LAMA5: variants seen among roughly 807,000 people sequenced by gnomAD.
LAMA5 encodes the protein laminin subunit alpha-5.
In LAMA5, 260 loss-of-function variants were observed where a neutral mutation model predicts 433.4. The observed-to-expected ratio is 0.60, with a 90% CI of 0.54 to 0.66. LAMA5 has a LOEUF of 0.66. Among genes scored for constraint, LAMA5 ranks in the 30% least tolerant of loss-of-function variants. The pLI is 0.00. For synonymous variants in LAMA5, 2,620 were observed against 2,226.6 expected (o/e 1.18, Z -4.97); for missense variants, 5,378 against 5,258.5 (o/e 1.02, Z -0.70).
chr20:62,310,911 G>A lies in LAMA5; in HGVS notation c.10272C>T (p.Arg3424=). The A allele has an allele frequency of 6.2e-7, 1 of 1,610,446 alleles. No homozygotes were observed. Among genetic ancestry groups the A allele is most frequent in the Non-Finnish European group, 8.5e-7 (1 of 1,179,376 alleles). The change falls in exon 74 of 80, where the codon CGC becomes CGT. Residue 3424 remains arginine, a synonymous_variant. Coordinates refer to ENST00000252999, the MANE Select transcript of LAMA5 (RefSeq NM_005560.6). Reference sequence around the variant, plus strand: ...TCTTCTCGGCCCTCACCTTGTGCCAGCGGCCAGGCCGGGAGCGCTGGCGGC... The same window carrying A: ...TCTTCTCGGCCCTCACCTTGTGCCAACGGCCAGGCCGGGAGCGCTGGCGGC... ...AQSRQRSRPG[R]WHKVSVRWEK...
At position 62,331,203 on chromosome 20, in the gene LAMA5, G is replaced by A; in HGVS notation, c.3553-74C>T. On this transcript the variant is annotated intron_variant, in intron 28 of 79. Coordinates refer to ENST00000252999, the MANE Select transcript of LAMA5 (RefSeq NM_005560.6). ...TAGGGGGTGCAGGCGGTACGATGGGGGGGTGCAGGCGGTACGATGGGGGGG... is the reference window on the plus strand; with the variant it reads ...TAGGGGGTGCAGGCGGTACGATGGGAGGGTGCAGGCGGTACGATGGGGGGG... The A allele has an allele frequency of 9.2e-6, 4 of 435,554 alleles. No individual in the cohort carries two copies. The South Asian group carries it at 1.3e-4, about 14-fold the overall frequency. The allele number at this position is 435,554 out of a possible 1,614,324, so 27.0% of individuals were successfully genotyped here. A position where few individuals can be genotyped will look rare whatever the true frequency, so the allele number is the denominator to read the frequency against.
In LAMA5 at chr20:62,366,091, TCTCC is replaced by T. The variant is rs1244841491; in HGVS notation, c.297+854_297+857del. 3.9e-5 allele frequency among the ~76,000 whole-genome samples: 6 copies of T among 152,244 alleles called. No individual in the cohort carries two copies. The South Asian group carries it at 1.2e-3, about 32-fold the overall frequency. ...ACACAGGCCCTCAGGGCCCCTAGAC[TCTCC>T]CTAAGGTGGGGCTGAGGTGGGGAAT... is the stretch of plus-strand genomic sequence containing the variant. On this transcript the variant is annotated intron_variant, in intron 1 of 79. Transcript: ENST00000252999.
intron 57 of LAMA5, 124 bp from the exon 58 acceptor site, chr20:62,316,182 A>G: frequency 2.9e-6 from 2 of 680,676 alleles, no homozygotes; most frequent in African/African-American, 1.8e-5. Context: ...GGACAGGGAC[A>G]CTCAGACATG....
intron 2 of LAMA5, chr20:62,356,443 GA>G (rs957353477): frequency 9.4e-5 from 14 of 149,640 alleles, no homozygotes; most frequent in South Asian, 2.1e-4. Context: ...TGTGCAGAAA[GA>G]AAAAAAAAAG....
In LAMA5 at chr20:62,318,413, G is replaced by A. The variant is rs370015491; in HGVS notation, c.7239+41C>T. 1.0e-4 allele frequency: 154 copies of A among 1,528,842 alleles called. 1 individual carries two copies. In the Middle Eastern group the frequency reaches 1.4e-3, roughly 14 times the overall value. 94.7% of individuals were successfully genotyped at this position (1,528,842 alleles called of 1,614,324 possible). ...AGGAGAGGGATTGCAGGGAGGAGGC[G>A]GGAAGAGGAGCAGGAGGAAGAACAA... is the stretch of plus-strand genomic sequence containing the variant. On this transcript the variant is annotated intron_variant, in intron 53 of 79. Coordinates refer to ENST00000252999, the MANE Select transcript of LAMA5 (RefSeq NM_005560.6).
chr20:62,366,801 C>T (rs946552513), intron 1 of LAMA5, 148 bp downstream of exon 1: 6 of 1,110,886 alleles, frequency 5.4e-6, no homozygotes, highest in South Asian at 4.7e-5. Context: ...GCGGCCGGGT[C>T]GGGGTGCCTT....
At position 62,322,269 on chromosome 20, in the gene LAMA5, G is replaced by A. The variant is rs566603437; in HGVS notation, c.6346C>T (p.Arg2116Cys). 7 of 1,592,854 alleles carry A rather than the reference G, an allele frequency of 4.4e-6. No homozygotes were observed. Among genetic ancestry groups the A allele is most frequent in the African/African-American group, 2.7e-5 (2 of 74,556 alleles). The change falls in exon 47 of 80, where the codon CGC (arginine) becomes TGC (cysteine). Residue 2116 changes from arginine to cysteine, a missense_variant and splice_region_variant. By Grantham distance (180) the Arg-to-Cys change is radical (BLOSUM62 -3). Coordinates refer to ENST00000252999, the MANE Select transcript of LAMA5 (RefSeq NM_005560.6). ...YWGLPEQGCR[R>C]CQCPGGRCDP... ...CCTCCTGTGACCGGCCAGCACTCAC[G>A]CCTGCAGCCCTGCTCAGGGAGCCCC...
At chr20:62,328,512 G>A (rs1239563304) in intron 34 of LAMA5, 67 bp from the exon 35 acceptor site, 2 of 1,405,670 alleles carry the variant, frequency 1.4e-6, no homozygotes, top group Non-Finnish European at 1.9e-6. Context: ...GGCCCAGAAT[G>A]CAGCCCTAGG....
chr20:62,352,367 G>T lies in LAMA5; in HGVS notation c.569-7C>A. 1 of 1,593,164 alleles carries T rather than the reference G, an allele frequency of 6.3e-7. No individual in the cohort carries two copies. Among genetic ancestry groups the T allele is most frequent in the South Asian group, 1.1e-5 (1 of 90,814 alleles). On this transcript the variant is annotated splice_region_variant and splice_polypyrimidine_tract_variant and intron_variant, in intron 3 of 79. Transcript: ENST00000252999. ...AGACAGTCCCTCTTGGAGGCTGCGG[G>T]GAATGGCGGGAGGGGAGGGCGCTGG... is the stretch of plus-strand genomic sequence containing the variant.
At chr20:62,338,961 T>TG (rs975942674) in intron 11 of LAMA5, among the ~76,000 whole-genome samples, 16 of 149,372 alleles carry the variant, frequency 1.1e-4, no homozygotes, top group African/African-American at 3.9e-4. Flanking sequence ...CGCTTGATCC[T>TG]GGGAGGCGGA....
rs151105904 is a variant in LAMA5, at chr20:62,337,086, G to A, written c.2165-300C>T. ...CGTCTGAACAAGCACACAAACGCAC[G>A]TGAAGATGCACCCACTACACGTGCA... On this transcript the variant is annotated intron_variant, in intron 16 of 79. Transcript: ENST00000252999. The A allele has an allele frequency of 5.5e-4, 342 of 617,852 alleles. 1 individual carries two copies. The highest frequency in any genetic ancestry group is 5.3e-3 in the African/African-American group (297 of 55,732). The allele number at this position is 617,852 out of a possible 1,614,324, so 38.3% of individuals were successfully genotyped here.
chr20:62,367,143 C>CCCGCG lies in LAMA5; in HGVS notation c.98_102dup (p.Ala35ArgfsTer53), dbSNP rs1986828258. 2 of 1,268,930 alleles carry CCCGCG rather than the reference C, an allele frequency of 1.6e-6. No individual in the cohort carries two copies. Among genetic ancestry groups the CCCGCG allele is most frequent in the Non-Finnish European group, 9.9e-7 (1 of 1,010,546 alleles). The allele number at this position is 1,268,930 out of a possible 1,614,324, so 78.6% of individuals were successfully genotyped here. A position where few individuals can be genotyped will look rare whatever the true frequency, so the allele number is the denominator to read the frequency against. ...AAGCCGCCGCCCGCCTCCTCCCGCG[C>CCCGCG]CCGCGCCGCGCCCAGCAGCGCCAGC... On this transcript the variant is annotated frameshift_variant, in exon 1 of 80. Coordinates refer to ENST00000252999, the MANE Select transcript of LAMA5 (RefSeq NM_005560.6). LOFTEE classifies it high-confidence loss of function.
chr20:62,346,784 G>A lies in LAMA5; in HGVS notation c.1089C>T (p.Gly363=), dbSNP rs753630169. The A allele has an allele frequency of 4.3e-5, 69 of 1,612,162 alleles. No homozygotes were observed. The highest frequency in any genetic ancestry group is 5.0e-5 in the Admixed American group (3 of 59,838). ...ANECQSCNCY[G]HATDCYYDPE... ...GGTCGTAGTAACAGTCGGTGGCATG[G>A]CCGTAGCAGTTACAGGCTAGAGAGA... is the stretch of plus-strand genomic sequence containing the variant. The change falls in exon 8 of 80, where the codon GGC becomes GGT. Residue 363 remains glycine, a synonymous_variant. Transcript: ENST00000252999.
rs564883664 is a variant in LAMA5 at position 62,364,915 on chromosome 20, C to T, written c.297+2034G>A. ...CCCTCAGATGGAGCTGCGGCTTCAT[C>T]GCCTGGGCACCTCCTGTGCCTGCCT... On this transcript the variant is annotated intron_variant, in intron 1 of 79. Transcript: ENST00000252999. 1.6e-3 allele frequency among the ~76,000 whole-genome samples: 237 copies of T among 152,394 alleles called. 2 individuals carry two copies. Among genetic ancestry groups the T allele is most frequent in the African/African-American group, 4.8e-3 (198 of 41,604 alleles).
Position 62,314,945 on chromosome 20 carries a change from A to T in LAMA5, c.8050T>A (p.Ser2684Thr). The T allele has an allele frequency of 6.3e-7, 1 of 1,598,512 alleles. No individual in the cohort carries two copies. The highest frequency in any genetic ancestry group is 1.3e-5 in the African/African-American group (1 of 74,928). The part of the protein sequence containing the change: ...QAVLDAGHSV[S>T]TLEKTLPQLL... ...TGGGGCAGCGTCTTCTCCAGGGTGG[A>T]CACTGCAGAGAGGGAGACCTGAGAC... Residue 2684 changes from serine to threonine, a missense_variant and splice_region_variant, in exon 60 of 80, where the codon TCC becomes ACC. Coordinates refer to ENST00000252999, the MANE Select transcript of LAMA5 (RefSeq NM_005560.6).
At position 62,327,893 on chromosome 20, in the gene LAMA5, G is replaced by A. The variant is rs1371240350; in HGVS notation, c.4770C>T (p.Asp1590=). ...TACAGTAGCACTGCCCTGTGAGGGG[G>A]TCACACACGCCAGGCGCAGTGCCCG... ...HEAGTAPGVC[D]PLTGQCYCKE... is the part of the protein sequence containing the mutation. The change falls in exon 36 of 80, where the codon GAC becomes GAT. Residue 1590 remains aspartate (D), a synonymous_variant. Coordinates refer to ENST00000252999, the MANE Select transcript of LAMA5 (RefSeq NM_005560.6). 3.7e-6 allele frequency: 6 copies of A among 1,611,120 alleles called. No homozygotes were observed. Among genetic ancestry groups the A allele is most frequent in the Admixed American group, 3.3e-5 (2 of 59,924 alleles).
rs1302661215 is a variant in LAMA5 at position 62,359,504 on chromosome 20, G to A, written c.450+2896C>T. ...GGGGCCTGGGGCCTGGGGCCTGGGT[G>A]TGGTTCTCGGAAGAAGGAGCCTGAG... On this transcript the variant is annotated intron_variant, in intron 2 of 79. Coordinates refer to ENST00000252999, the MANE Select transcript of LAMA5 (RefSeq NM_005560.6). This position sits in a 1 kb window ranked among gnomAD's most constrained non-coding sequence, Gnocchi z 4.3. 6.7e-6 allele frequency among the ~76,000 whole-genome samples: 1 copy of A among 149,684 alleles called. No individual in the cohort carries two copies. Among genetic ancestry groups the A allele is most frequent in the African/African-American group, 2.5e-5 (1 of 40,658 alleles).
chr20:62,310,468 G>T lies in LAMA5; in HGVS notation c.10551C>A (p.Pro3517=). Residue 3517 remains proline, a synonymous_variant, in exon 76 of 80, where the codon CCC becomes CCA. Transcript: ENST00000252999. Reference sequence around the variant, plus strand: ...CTGGGAAGAACAGGCCCGCCTCCAGGGGGCCCAAGATGCAGGGTGTGACCC... The same window carrying T: ...CTGGGAAGAACAGGCCCGCCTCCAGTGGGCCCAAGATGCAGGGTGTGACCC... ...MAGVTPCILG[P]LEAGLFFPGS... is the part of the protein sequence containing the mutation. The T allele has an allele frequency of 6.3e-7, 1 of 1,598,598 alleles. No homozygotes were observed. Among genetic ancestry groups the T allele is most frequent in the Non-Finnish European group, 8.5e-7 (1 of 1,174,452 alleles).
At chr20:62,342,999 T>C (rs1982823993) in intron 11 of LAMA5, among the ~76,000 whole-genome samples, 1 of 152,246 alleles carries the variant, frequency 6.6e-6, no homozygotes, top group South Asian at 2.1e-4. Context: ...TATGGCCCAG[T>C]AGCGAAAAGA....
Sources: allele counts gnomAD v4.1 joint callset (sites outside exome capture counted in the v4.1 genomes callset), GRCh38; gene constraint gnomAD v4.1.1; non-coding constraint Gnocchi (gnomAD v3.1); transcripts MANE v1.5; gene names NCBI Gene and HGNC (gene_info 2026-07-23, HGNC 2026-07-21).